The following DENND1A variants were observed in gnomAD, a reference collection of about 807,000 sequenced individuals.
The protein encoded by DENND1A is DENN domain containing 1A, also known as DENN domain-containing protein 1A.
DENND1A carries 51 observed loss-of-function variants against 113.7 expected under a neutral mutation model. The observed-to-expected ratio is 0.45, with a 90% CI of 0.36 to 0.57. The LOEUF (loss-of-function observed/expected upper bound fraction) is 0.57. Ranked by LOEUF, DENND1A falls within the 20% of genes least tolerant of loss-of-function variation. The pLI is 0.00. For missense variants in DENND1A, 1,258 were observed against 1,395.9 expected, an observed-to-expected ratio of 0.90 and a Z score of 1.57; for synonymous variants, 565 against 570.8, an observed-to-expected ratio of 0.99 and a Z score of 0.14.
chr9:123,481,562 A>G (rs1404222631), intron 13 of DENND1A, among the ~76,000 whole-genome samples: 1 of 152,178 alleles, frequency 6.6e-6, no homozygotes, highest in Non-Finnish European at 1.5e-5. Flanking sequence ...AACCCAAATA[A>G]GGAGTGGTGG....
intron 2 of DENND1A, chr9:123,842,894 T>C (rs1448227705): frequency 3.8e-6 from 1 of 265,882 alleles, no homozygotes; most frequent in African/African-American, 2.3e-5. Context: ...ATACACACCA[T>C]GACCAAGTGA....
intron 5 of DENND1A, among the ~76,000 whole-genome samples, chr9:123,681,284 T>C (rs2064434564): frequency 9.9e-6 from 1 of 100,800 alleles, no homozygotes; most frequent in Non-Finnish European, 1.9e-5. Context: ...CAATGTGGGA[T>C]GTCAGAGCCT....
At chr9:123,677,623 G>A (rs981065122) in intron 5 of DENND1A, among the ~76,000 whole-genome samples, 2 of 152,070 alleles carry the variant, frequency 1.3e-5, no homozygotes, top group African/African-American at 2.4e-5. Context: ...TAATAGAGAC[G>A]GGGTTTCACC....
intron 9 of DENND1A, among the ~76,000 whole-genome samples, chr9:123,648,089 G>GT (rs11413176): frequency 0.024 from 3,585 of 152,224 alleles, 58 homozygotes; most frequent in South Asian, 0.058. Context: ...GGTTTTGTTT[G>GT]TTTTTTCAGA....
intron 13 of DENND1A, among the ~76,000 whole-genome samples, chr9:123,529,920 C>A (rs887601581): frequency 1.3e-5 from 2 of 152,134 alleles, no homozygotes; most frequent in Admixed American, 1.3e-4. Flanking sequence ...TATTTTACCT[C>A]GGGAAAAATC....
At position 123,632,005 on chromosome 9, in the gene DENND1A, CT is replaced by C. The variant is rs1330403191; in HGVS notation, c.619-1530del. 5.9e-5 allele frequency among the ~76,000 whole-genome samples: 9 copies of C among 152,268 alleles called. No individual in the cohort carries two copies. In the South Asian group the frequency reaches 1.2e-3, roughly 21 times the overall value. On this transcript the variant is annotated intron_variant, in intron 9 of 23. Coordinates refer to ENST00000394215, the MANE Select transcript of DENND1A (RefSeq NM_001352964.2). ...GAAGCCTGTTCCCATGAGGACTTTG[CT>C]TCTTTTGGAAGCTGTTAACTGGCCT...
At chr9:123,558,526 C>A (rs1156375129) in intron 12 of DENND1A, among the ~76,000 whole-genome samples, 2 of 152,096 alleles carry the variant, frequency 1.3e-5, no homozygotes, top group African/African-American at 4.8e-5. Flanking sequence ...TAGAAATGAG[C>A]TTAAATTTGA....
At chr9:123,389,852 G>A (rs2042749636) in intron 21 of DENND1A, among the ~76,000 whole-genome samples, 1 of 152,186 alleles carries the variant, frequency 6.6e-6, no homozygotes, top group Non-Finnish European at 1.5e-5. Flanking sequence ...CTGCACTCTG[G>A]GGAGCTCGTG....
At position 123,383,810 on chromosome 9, in the gene DENND1A, G is replaced by A. The variant is rs1223049335; in HGVS notation, c.1864C>T (p.Pro622Ser). 2.5e-6 allele frequency: 4 copies of A among 1,614,068 alleles called. No individual in the cohort carries two copies. The highest frequency in any genetic ancestry group is 2.5e-6 in the Non-Finnish European group (3 of 1,180,042). Residue 622 changes from proline to serine, a missense_variant, in exon 23 of 24, where the codon CCC becomes TCC. Around this residue, in one of 2 missense-constraint regions of DENND1A, gnomAD observed 1,159 missense variants for 1,231.7 expected, o/e 0.94. Transcript: ENST00000394215. Reference sequence around the variant, plus strand: ...TCGATGCTGGCAGCCCGGTCAGGGGGAGCTGGGACAGGGCCTGTGGACTTC... The same window carrying A: ...TCGATGCTGGCAGCCCGGTCAGGGGAAGCTGGGACAGGGCCTGTGGACTTC... ...VRKSTGPVPA[P>S]PDRAASIDLL...
intron 19 of DENND1A, chr9:123,413,354 T>C: frequency 4.4e-6 from 4 of 919,238 alleles, no homozygotes; most frequent in Non-Finnish European, 5.2e-6. Context: ...CCTGTTTATG[T>C]TTCACATTCA....
chr9:123,471,921 G>A (rs1588695934), intron 13 of DENND1A, among the ~76,000 whole-genome samples: 1 of 152,196 alleles, frequency 6.6e-6, no homozygotes, highest in Admixed American at 6.5e-5. Flanking sequence ...GTCCCAGACC[G>A]AGGAATCCAG....
At chr9:123,893,142 CAAACA>C (rs958302018) in intron 1 of DENND1A, among the ~76,000 whole-genome samples, 15 of 150,544 alleles carry the variant, frequency 1.0e-4, no homozygotes, top group African/African-American at 3.4e-4. Context: ...GAGCATTGTA[CAAACA>C]AAACAAGATA....
At chr9:123,579,202 T>C (rs868110793) in intron 12 of DENND1A, among the ~76,000 whole-genome samples, 6 of 152,170 alleles carry the variant, frequency 3.9e-5, no homozygotes, top group Non-Finnish European at 5.9e-5. Flanking sequence ...AAATATATTA[T>C]ATATATTACA....
chr9:123,753,992 C>T (rs992001565), intron 5 of DENND1A, among the ~76,000 whole-genome samples: 5 of 152,156 alleles, frequency 3.3e-5, no homozygotes, highest in African/African-American at 1.2e-4. Context: ...GGAAGTGAAG[C>T]TAAATCCTGG....
chr9:123,715,888 G>A (rs1589784846), intron 5 of DENND1A, among the ~76,000 whole-genome samples: 1 of 151,812 alleles, frequency 6.6e-6, no homozygotes, highest in Non-Finnish European at 1.5e-5. Context: ...GTTGCCCAGG[G>A]TGGTCTCAAA....
In DENND1A at chr9:123,534,856, T is replaced by A. The variant is rs78575528; in HGVS notation, c.993+22714A>T. 1.3e-3 allele frequency among the ~76,000 whole-genome samples: 198 copies of A among 152,352 alleles called. 2 individuals carry two copies. In the East Asian group the frequency reaches 0.036, roughly 28 times the overall value. On this transcript the variant is annotated intron_variant, in intron 13 of 23. Coordinates refer to ENST00000394215, the MANE Select transcript of DENND1A (RefSeq NM_001352964.2). The stretch of plus-strand genomic sequence containing the variant: ...ACATGATCTTGGACGCCAAGCCTTT[T>A]TTGTCAGCTAAAGTTGCAAGTATTA...
At chr9:123,392,977 T>C (rs1259314290) in intron 21 of DENND1A, among the ~76,000 whole-genome samples, 1 of 152,262 alleles carries the variant, frequency 6.6e-6, no homozygotes, top group African/African-American at 2.4e-5. Context: ...TCCAGGTTGC[T>C]GTGGATGCCA....
At chr9:123,705,670 A>T (rs73665342) in intron 5 of DENND1A, among the ~76,000 whole-genome samples, 27,980 of 152,130 alleles carry the variant, frequency 0.18, 2,773 homozygotes, top group African/African-American at 0.27. Flanking sequence ...ATTAAAATAA[A>T]ATCTAAATAA....
chr9:123,551,648 A>C (rs912526270), intron 13 of DENND1A, among the ~76,000 whole-genome samples: 5 of 152,112 alleles, frequency 3.3e-5, no homozygotes, highest in Non-Finnish European at 7.4e-5. Flanking sequence ...CTGAGTGCTG[A>C]CCCTGTGGGA....
Sources: allele counts gnomAD v4.1 joint callset (sites outside exome capture counted in the v4.1 genomes callset), GRCh38; gene constraint gnomAD v4.1.1; regional missense constraint gnomAD v4.1.1; transcripts MANE v1.5; gene names NCBI Gene and HGNC (gene_info 2026-07-23, HGNC 2026-07-21).